CALCR: variants seen among roughly 807,000 people sequenced by gnomAD.
The protein encoded by CALCR is calcitonin receptor.
A neutral mutation model predicts 59.5 loss-of-function variants in CALCR; 47 were observed. The ratio of observed to expected loss-of-function variants is 0.79; its 90% CI spans 0.63 to 1.01. The LOEUF is 1.01. Ranked by LOEUF, CALCR falls within the 50% of genes least tolerant of loss-of-function variation. CALCR has a pLI of 0.00. For missense variants in CALCR, 566 were observed against 597.1 expected (o/e 0.95, Z 0.54); for synonymous variants, 213 against 211.3 (o/e 1.01, Z -0.07).
chr7:93,532,144 G>A (rs951120518), intron 2 of CALCR, among the ~76,000 whole-genome samples: 1 of 151,864 alleles, frequency 6.6e-6, no homozygotes, highest in Non-Finnish European at 1.5e-5. Flanking sequence ...ACAAAGTAGT[G>A]GTAAAATAAA....
At position 93,496,031 on chromosome 7, in the gene CALCR, C is replaced by G. The variant is rs1018560503; in HGVS notation, c.-26-9024G>C. The G allele has an allele frequency of 1.6e-5, 15 of 949,800 alleles. No homozygotes were observed. The African/African-American group carries it at 2.4e-4, about 15-fold the overall frequency. 58.8% of individuals were successfully genotyped at this position (949,800 alleles called of 1,614,324 possible). ...CAATGATAATGATTGAACAGAATGT[C>G]TTCATGTAAGGGGAACAAATTTACT... On this transcript the variant is annotated intron_variant, in intron 2 of 13. Transcript: ENST00000426151.
At chr7:93,471,375 A>G (rs940604797) in intron 6 of CALCR, among the ~76,000 whole-genome samples, 1 of 151,830 alleles carries the variant, frequency 6.6e-6, no homozygotes, top group Non-Finnish European at 1.5e-5. Flanking sequence ...TAAAGAGATA[A>G]CTGGCTGTGG....
chr7:93,442,714 CA>C (rs1799933008), intron 9 of CALCR, among the ~76,000 whole-genome samples: 1 of 152,150 alleles, frequency 6.6e-6, no homozygotes, highest in Non-Finnish European at 1.5e-5. Flanking sequence ...CCTCTGCTCT[CA>C]GAGTCACAGT....
At chr7:93,550,543 CTTCAGTATTTTTAGA>C (rs1789423557) in intron 2 of CALCR, among the ~76,000 whole-genome samples, 1 of 138,638 alleles carries the variant, frequency 7.2e-6, no homozygotes, top group African/African-American at 2.8e-5. Flanking sequence ...ATGTTGGCCA[CTTCAGTATTTTTAGA>C]ATTCACAATA....
At chr7:93,520,555 T>C (rs1801740604) in intron 2 of CALCR, among the ~76,000 whole-genome samples, 1 of 152,102 alleles carries the variant, frequency 6.6e-6, no homozygotes, top group Admixed American at 6.6e-5. Flanking sequence ...ATTTAGAAAA[T>C]TTATTTCTAG....
intron 2 of CALCR, among the ~76,000 whole-genome samples, chr7:93,519,869 T>G (rs1801724687): frequency 6.6e-6 from 1 of 152,044 alleles, no homozygotes; most frequent in South Asian, 2.1e-4. Flanking sequence ...TTGCTTCTCC[T>G]TCACCTTTGA....
intron 8 of CALCR, among the ~76,000 whole-genome samples, chr7:93,459,022 GAAGT>G (rs1329584220): frequency 6.6e-6 from 1 of 152,172 alleles, no homozygotes. Context: ...AGAAAGCAGA[GAAGT>G]ACTTGGGGAC....
At position 93,429,922 on chromosome 7, in the gene CALCR, TTTTGTTTGTTTG is replaced by T. The variant is rs1208623174; in HGVS notation, c.1192-3345_1192-3334del. Among the ~76,000 whole-genome samples the T allele has an allele frequency of 8.1e-5, 7 of 86,302 alleles. No homozygotes were observed. In the Admixed American group the frequency reaches 9.5e-4, roughly 12 times the overall value. 56.6% of individuals were successfully genotyped at this position (86,302 alleles called of 152,430 possible). ...ATTGCACACTTTAGACGGTTTTTTT[TTTTGTTTGTTTG>T]TTTTTTTGTTTTTTTTTGAGACAGA... On this transcript the variant is annotated intron_variant, in intron 13 of 13. Coordinates refer to ENST00000426151, the MANE Select transcript of CALCR (RefSeq NM_001742.4).
chr7:93,499,342 T>C (rs1386128143), intron 2 of CALCR, among the ~76,000 whole-genome samples: 1 of 151,808 alleles, frequency 6.6e-6, no homozygotes, highest in Non-Finnish European at 1.5e-5. Context: ...TACCACGTGC[T>C]CTTCTCTGGA....
At chr7:93,547,302 T>C (rs890408194) in intron 2 of CALCR, among the ~76,000 whole-genome samples, 1 of 152,198 alleles carries the variant, frequency 6.6e-6, no homozygotes, top group Non-Finnish European at 1.5e-5. Flanking sequence ...CTGCAGTTTA[T>C]TGATTTCTAA....
At position 93,552,626 on chromosome 7, in the gene CALCR, T is replaced by A. The variant is rs527767818; in HGVS notation, c.-27+21663A>T. Among the ~76,000 whole-genome samples the A allele has an allele frequency of 2.0e-5, 3 of 152,290 alleles. No individual in the cohort carries two copies. The South Asian group carries it at 6.2e-4, about 32-fold the overall frequency. On this transcript the variant is annotated intron_variant, in intron 2 of 13. Coordinates refer to ENST00000426151, the MANE Select transcript of CALCR (RefSeq NM_001742.4). ...TATAAAACCTTTATATTAAACCACA[T>A]CTCTGTAATTACTCCTCTTTGGTCT...
chr7:93,453,970 C>A (rs1023944069), intron 8 of CALCR, among the ~76,000 whole-genome samples: 2 of 152,100 alleles, frequency 1.3e-5, no homozygotes, highest in African/African-American at 4.8e-5. Flanking sequence ...TCCATTACCA[C>A]ATCTTGGCAT....
At chr7:93,539,131 T>C (rs1297506455) in intron 2 of CALCR, among the ~76,000 whole-genome samples, 2 of 152,130 alleles carry the variant, frequency 1.3e-5, no homozygotes, top group South Asian at 4.1e-4. Flanking sequence ...TTATTCTCAC[T>C]CTCCTTCTTT....
chr7:93,570,930 T>C (rs915607232), intron 2 of CALCR, among the ~76,000 whole-genome samples: 1 of 152,212 alleles, frequency 6.6e-6, no homozygotes, highest in Non-Finnish European at 1.5e-5. Context: ...GAGGAACAGA[T>C]ACTGATAACA....
chr7:93,504,971 G>A (rs1317222531), intron 2 of CALCR, among the ~76,000 whole-genome samples: 1 of 152,078 alleles, frequency 6.6e-6, no homozygotes, highest in African/African-American at 2.4e-5. Flanking sequence ...AGCTTTTATA[G>A]TATAAGCAGT....
chr7:93,471,844 T>A (rs1333298048), intron 6 of CALCR, among the ~76,000 whole-genome samples: 1 of 151,864 alleles, frequency 6.6e-6, no homozygotes, highest in Non-Finnish European at 1.5e-5. Flanking sequence ...ATGCAAGTAC[T>A]AACAATTGAG....
chr7:93,520,889 G>T (rs545800821), intron 2 of CALCR, among the ~76,000 whole-genome samples: 3 of 152,080 alleles, frequency 2.0e-5, no homozygotes, highest in South Asian at 4.2e-4. Context: ...TTTTTATAGG[G>T]CCACTTTAAA....
chr7:93,436,230 C>T, intron 11 of CALCR, 60 bp from the exon 12 acceptor site: 1 of 1,348,480 alleles, frequency 7.4e-7, no homozygotes, highest in Non-Finnish European at 1.1e-6. Context: ...AGAATATGCA[C>T]TGTTCTCAAT....
intron 8 of CALCR, among the ~76,000 whole-genome samples, chr7:93,452,315 T>A (rs1490043820): frequency 6.6e-6 from 1 of 151,934 alleles, no homozygotes; most frequent in East Asian, 1.9e-4. Context: ...ATGAGAAACA[T>A]CCTGACTTTG....
Sources: allele counts gnomAD v4.1 joint callset (sites outside exome capture counted in the v4.1 genomes callset), GRCh38; gene constraint gnomAD v4.1.1; transcripts MANE v1.5; gene names NCBI Gene and HGNC (gene_info 2026-07-23, HGNC 2026-07-21).